Variants in GRM7 observed in about 807,000 individuals in gnomAD.
GRM7 encodes metabotropic glutamate receptor 7.
In GRM7, 35 loss-of-function variants were observed where a neutral mutation model predicts 84.5. The ratio of observed to expected loss-of-function variants is 0.41; its 90% CI spans 0.32 to 0.55. The LOEUF (loss-of-function observed/expected upper bound fraction) is 0.55, where lower values mean the gene tolerates loss of function less well. GRM7 is among the 20% of genes least tolerant of loss of function. The probability of loss-of-function intolerance (pLI) is 0.19; values close to 1 mark genes in which losing one functional copy is unlikely to be tolerated. For synonymous variants in GRM7, 487 were observed against 455.1 expected (o/e 1.07, Z -0.89); for missense variants, 1,003 against 1,194.6 (o/e 0.84, Z 2.36).
chr3:7,438,834 A>G (rs1461796023), intron 5 of GRM7, among the ~76,000 whole-genome samples: 1 of 152,148 alleles, frequency 6.6e-6, no homozygotes, highest in African/African-American at 2.4e-5. Flanking sequence ...GACACACACA[A>G]TATATACAGC....
intron 2 of GRM7, among the ~76,000 whole-genome samples, chr3:7,270,425 C>T (rs901642035): frequency 2.6e-5 from 4 of 152,054 alleles, no homozygotes; most frequent in African/African-American, 9.7e-5. Context: ...ATTGAATAGT[C>T]GATAAACTTT....
At chr3:7,245,559 A>T (rs1697727436) in intron 2 of GRM7, among the ~76,000 whole-genome samples, 1 of 152,108 alleles carries the variant, frequency 6.6e-6, no homozygotes, top group South Asian at 2.1e-4. Flanking sequence ...AAAATCATCG[A>T]TCTAGAGTTG....
At chr3:7,057,785 G>A (rs1574844981) in intron 1 of GRM7, among the ~76,000 whole-genome samples, 1 of 151,846 alleles carries the variant, frequency 6.6e-6, no homozygotes, top group African/African-American at 2.4e-5. Flanking sequence ...TTGGGACTTG[G>A]CACCTCTTCA....
At chr3:7,225,632 A>G (rs1259038324) in intron 2 of GRM7, among the ~76,000 whole-genome samples, 4 of 150,686 alleles carry the variant, frequency 2.7e-5, no homozygotes, top group African/African-American at 9.7e-5. Flanking sequence ...TTTTAAATGA[A>G]TTAAATTAAT....
At chr3:7,364,470 T>C (rs1198623225) in intron 4 of GRM7, among the ~76,000 whole-genome samples, 1 of 151,860 alleles carries the variant, frequency 6.6e-6, no homozygotes, top group Non-Finnish European at 1.5e-5. Flanking sequence ...TATTATGTTC[T>C]CTTTGTTGCA....
At position 7,469,518 on chromosome 3, in the gene GRM7, T is replaced by A. The variant is rs1252698177; in HGVS notation, c.1515+7796T>A. Among the ~76,000 whole-genome samples, 6 of 152,236 alleles carry A rather than the reference T, an allele frequency of 3.9e-5. No homozygotes were observed. In the East Asian group the frequency reaches 1.2e-3, roughly 29 times the overall value. ...GTTGAAGTTATCATTGGCCATTTAT[T>A]TGCTAAAGTTAAAGTTAACTAATCA... On this transcript the variant is annotated intron_variant, in intron 7 of 9. Coordinates refer to ENST00000357716, the MANE Select transcript of GRM7 (RefSeq NM_000844.4).
chr3:7,130,525 A>G (rs1693558194), intron 1 of GRM7, among the ~76,000 whole-genome samples: 1 of 151,314 alleles, frequency 6.6e-6, no homozygotes. Context: ...CCCCAGTGAC[A>G]GTGCGAGATT....
intron 7 of GRM7, among the ~76,000 whole-genome samples, chr3:7,572,811 G>A (rs1694742804): frequency 8.6e-6 from 1 of 116,878 alleles, no homozygotes; most frequent in South Asian, 2.9e-4. Flanking sequence ...GACAGAGTGA[G>A]ACTCTATCTC....
chr3:7,529,682 T>A (rs1700952369), intron 7 of GRM7, among the ~76,000 whole-genome samples: 1 of 152,078 alleles, frequency 6.6e-6, no homozygotes, highest in African/African-American at 2.4e-5. Flanking sequence ...TGCTCAAGGT[T>A]CATCAACCTG....
intron 5 of GRM7, among the ~76,000 whole-genome samples, chr3:7,433,763 T>A (rs886308050): frequency 3.3e-5 from 5 of 152,168 alleles, no homozygotes; most frequent in African/African-American, 7.2e-5. Context: ...ATGTTGAATA[T>A]CTGTAGAAGG....
At chr3:7,267,362 G>C (rs117910168) in intron 2 of GRM7, among the ~76,000 whole-genome samples, 1 of 152,348 alleles carries the variant, frequency 6.6e-6, no homozygotes, top group East Asian at 1.9e-4. Flanking sequence ...AAATCACATA[G>C]TTGTTACCCC....
intron 7 of GRM7, among the ~76,000 whole-genome samples, chr3:7,471,522 G>C (rs73810662): frequency 6.6e-6 from 1 of 152,104 alleles, no homozygotes; most frequent in Admixed American, 6.5e-5. Flanking sequence ...GGCAATGGCA[G>C]GTCAAGTTCC....
At chr3:7,116,335 C>T (rs1343161848) in intron 1 of GRM7, among the ~76,000 whole-genome samples, 1 of 152,142 alleles carries the variant, frequency 6.6e-6, no homozygotes, top group East Asian at 1.9e-4. Context: ...TTCATTATTT[C>T]CAAGCACCAT....
intron 7 of GRM7, among the ~76,000 whole-genome samples, chr3:7,565,587 A>G (rs1230563444): frequency 6.6e-6 from 1 of 152,174 alleles, no homozygotes; most frequent in African/African-American, 2.4e-5. Flanking sequence ...AATCCAGGAG[A>G]GTGAAGCCAG....
intron 1 of GRM7, among the ~76,000 whole-genome samples, chr3:6,914,614 G>A (rs1696880727): frequency 6.6e-6 from 1 of 152,034 alleles, no homozygotes; most frequent in African/African-American, 2.4e-5. Context: ...TGTTGGTCAG[G>A]CTGGTCTCAA....
chr3:6,881,496 T>G (rs1474479587), intron 1 of GRM7, among the ~76,000 whole-genome samples: 1 of 152,182 alleles, frequency 6.6e-6, no homozygotes, highest in Non-Finnish European at 1.5e-5. Flanking sequence ...CTGCATAATA[T>G]TCCATGGTTT....
intron 8 of GRM7, among the ~76,000 whole-genome samples, chr3:7,590,438 A>G (rs1695725417): frequency 1.9e-5 from 2 of 106,984 alleles, no homozygotes; most frequent in Non-Finnish European, 4.7e-5. Flanking sequence ...TGCTACAAAG[A>G]CAGAGTTGAA....
rs1293545608 is a variant in GRM7 at position 7,243,246 on chromosome 3, AGC to A, written c.737-55437_737-55436del. On this transcript the variant is annotated intron_variant, in intron 2 of 9. Coordinates refer to ENST00000357716, the MANE Select transcript of GRM7 (RefSeq NM_000844.4). ...CTGACCTAAATTCAACTGGTAGCAG[AGC>A]TACCAGTAGCCCAATCTCTATTGGC... Among the ~76,000 whole-genome samples, 6 of 152,254 alleles carry A rather than the reference AGC, an allele frequency of 3.9e-5. No individual in the cohort carries two copies. The East Asian group carries it at 1.2e-3, about 29-fold the overall frequency.
intron 4 of GRM7, among the ~76,000 whole-genome samples, chr3:7,317,951 A>G (rs1662602684): frequency 6.6e-6 from 1 of 152,098 alleles, no homozygotes; most frequent in Admixed American, 6.6e-5. Context: ...AGGATAAACA[A>G]CAATGAATGG....
Sources: allele counts gnomAD v4.1 joint callset (sites outside exome capture counted in the v4.1 genomes callset), GRCh38; gene constraint gnomAD v4.1.1; transcripts MANE v1.5; gene names NCBI Gene and HGNC (gene_info 2026-07-23, HGNC 2026-07-21).